Variants in BCAS4 observed in about 807,000 individuals in gnomAD.
The protein encoded by BCAS4 is breast carcinoma-amplified sequence 4.
BCAS4 carries 9 observed loss-of-function variants against 15.7 expected under a neutral mutation model. That is an observed-to-expected ratio of 0.57 (90% CI 0.34 to 1.00). BCAS4 has a LOEUF of 1.00. Among genes scored for constraint, BCAS4 ranks in the 50% least tolerant of loss-of-function variants. The pLI, the probability that BCAS4 is intolerant of heterozygous loss-of-function variation, is 0.02. For synonymous variants in BCAS4, 101 were observed against 99.5 expected (o/e 1.02, Z -0.09); for missense variants, 225 against 239.1 (o/e 0.94, Z 0.39).
intron 1 of BCAS4, among the ~76,000 whole-genome samples, chr20:50,817,257 T>TA (rs1216593246): frequency 5.9e-5 from 9 of 152,262 alleles, no homozygotes; most frequent in East Asian, 3.9e-4. Context: ...TTACATAACA[T>TA]AAAAAATTCA....
At chr20:50,821,893 A>G (rs539649612) in intron 2 of BCAS4, among the ~76,000 whole-genome samples, 1 of 152,084 alleles carries the variant, frequency 6.6e-6, no homozygotes, top group South Asian at 2.1e-4. Flanking sequence ...TCACTTTCTG[A>G]TTCCTTCTAC....
At chr20:50,797,931 C>T (rs925845250) in intron 1 of BCAS4, among the ~76,000 whole-genome samples, 2 of 151,982 alleles carry the variant, frequency 1.3e-5, no homozygotes, top group South Asian at 2.1e-4. Context: ...TCCCAAAGTG[C>T]TGGGATTACA....
intron 4 of BCAS4, 77 bp from the exon 5 acceptor site, chr20:50,876,409 T>C: frequency 6.4e-7 from 1 of 1,569,202 alleles, no homozygotes. Flanking sequence ...CAGGATGAAC[T>C]TGTAGACCGG....
At chr20:50,810,652 G>A (rs909925983) in intron 1 of BCAS4, among the ~76,000 whole-genome samples, 13 of 150,318 alleles carry the variant, frequency 8.6e-5, no homozygotes, top group Admixed American at 2.7e-4. Context: ...GTGCAGTGGC[G>A]CGATCTCGGC....
chr20:50,847,182 G>A (rs140919908), intron 4 of BCAS4, among the ~76,000 whole-genome samples: 6 of 151,650 alleles, frequency 4.0e-5, no homozygotes, highest in African/African-American at 1.2e-4. Context: ...CGCTTCCTGG[G>A]GTCAAGCGAT....
chr20:50,802,271 G>T (rs1263193309), intron 1 of BCAS4, among the ~76,000 whole-genome samples: 1 of 152,208 alleles, frequency 6.6e-6, no homozygotes, highest in African/African-American at 2.4e-5. Flanking sequence ...CGCAGTGGCA[G>T]CAGGGAGACC....
At chr20:50,829,820 G>A (rs548878450) in intron 2 of BCAS4, among the ~76,000 whole-genome samples, 2 of 152,114 alleles carry the variant, frequency 1.3e-5, no homozygotes, top group East Asian at 1.9e-4. Context: ...GTGCCTGCGT[G>A]TCGGAAGCAT....
rs373017295 is a variant in BCAS4 at position 50,827,882 on chromosome 20, A to G, written c.163-2397A>G. 1.2e-4 allele frequency among the ~76,000 whole-genome samples: 18 copies of G among 152,184 alleles called. No individual in the cohort carries two copies. The East Asian group carries it at 3.1e-3, about 26-fold the overall frequency. The stretch of plus-strand genomic sequence containing the variant: ...GCTGGGACTACAGGCGCACGCCACC[A>G]TGCCCAGCTAACTTTTGTATTTTTA... On this transcript the variant is annotated intron_variant, in intron 2 of 4. Transcript: ENST00000371608.
chr20:50,876,332 G>A (rs1033509320), intron 4 of BCAS4, among the ~76,000 whole-genome samples, 154 bp from the exon 5 acceptor site: 2 of 132,620 alleles, frequency 1.5e-5, no homozygotes, highest in African/African-American at 3.8e-5. Context: ...TTGGGTGGCC[G>A]GCTTTGGCTG....
At chr20:50,821,966 A>T (rs2088221424) in intron 2 of BCAS4, among the ~76,000 whole-genome samples, 1 of 152,208 alleles carries the variant, frequency 6.6e-6, no homozygotes, top group Non-Finnish European at 1.5e-5. Context: ...CGTAAAATGA[A>T]AATAATGGTT....
chr20:50,795,915 T>C (rs2087850800), intron 1 of BCAS4, among the ~76,000 whole-genome samples: 3 of 152,184 alleles, frequency 2.0e-5, no homozygotes, highest in African/African-American at 4.8e-5. Context: ...AATGTAGATA[T>C]CTGTATCTGC....
intron 4 of BCAS4, 120 bp from the exon 5 acceptor site, chr20:50,876,366 G>A: frequency 7.3e-7 from 1 of 1,373,876 alleles, no homozygotes; most frequent in Non-Finnish European, 9.9e-7. Flanking sequence ...TGTCAGAGGA[G>A]CTCAGAGTCT....
intron 3 of BCAS4, among the ~76,000 whole-genome samples, chr20:50,835,072 G>T (rs918016351): frequency 5.9e-5 from 9 of 152,114 alleles, no homozygotes; most frequent in Non-Finnish European, 1.3e-4. Context: ...TAGATACCTA[G>T]GAGTGGAATT....
intron 1 of BCAS4, among the ~76,000 whole-genome samples, chr20:50,805,977 A>G (rs536093435): frequency 5.9e-5 from 6 of 100,856 alleles, no homozygotes; most frequent in Admixed American, 1.0e-4. Context: ...ACTCCATCTC[A>G]AAAAAAAAAA....
intron 1 of BCAS4, among the ~76,000 whole-genome samples, chr20:50,798,146 A>G (rs2123741096): frequency 6.6e-6 from 1 of 151,838 alleles, no homozygotes; most frequent in East Asian, 2.0e-4. Context: ...ACATACAAAA[A>G]TTAGCCAGAT....
downstream of BCAS4, chr20:50,881,664 AT>A (rs60341836): frequency 0.016 from 2,310 of 144,804 alleles, 55 homozygotes; most frequent in African/African-American, 0.05. Context: ...ACACTATTGA[AT>A]TTTTTTTTTT....
At chr20:50,852,588 G>A (rs569097261) in intron 4 of BCAS4, among the ~76,000 whole-genome samples, 3 of 152,106 alleles carry the variant, frequency 2.0e-5, no homozygotes, top group Non-Finnish European at 4.4e-5. Flanking sequence ...TGCCATGTTA[G>A]CCAGGCCGGT....
intron 4 of BCAS4, among the ~76,000 whole-genome samples, chr20:50,866,465 T>A (rs999933926): frequency 6.6e-6 from 1 of 152,242 alleles, no homozygotes; most frequent in African/African-American, 2.4e-5. Context: ...TGCAGGAATG[T>A]GGGCCTGCGG....
At chr20:50,822,598 A>G (rs1600861061) in intron 2 of BCAS4, among the ~76,000 whole-genome samples, 1 of 151,676 alleles carries the variant, frequency 6.6e-6, no homozygotes, top group African/African-American at 2.4e-5. Context: ...AAAAAAAACT[A>G]CAGCCACTTT....
Sources: allele counts gnomAD v4.1 joint callset (sites outside exome capture counted in the v4.1 genomes callset), GRCh38; gene constraint gnomAD v4.1.1; transcripts MANE v1.5; gene names NCBI Gene and HGNC (gene_info 2026-07-23, HGNC 2026-07-21).